The following JMJD1C variants were observed in gnomAD, a reference collection of about 807,000 sequenced individuals.
JMJD1C encodes jumonji domain containing 1C.
Under a neutral mutation model 245.3 loss-of-function variants are expected in JMJD1C, and 31 were observed. The observed-to-expected ratio is 0.13, with a 90% confidence interval of 0.09 to 0.17. The LOEUF (loss-of-function observed/expected upper bound fraction) is 0.17, where lower values mean the gene tolerates loss of function less well. JMJD1C is among the 10% of genes least tolerant of loss of function. The pLI, the probability that JMJD1C is intolerant of heterozygous loss-of-function variation, is 1.00. For synonymous variants in JMJD1C, 1,057 were observed against 1,017.4 expected (o/e 1.04, Z -0.74); for missense variants, 2,691 against 3,000.2 (o/e 0.90, Z 2.41).
At chr10:63,477,434 A>G (rs1012016272) in intron 1 of JMJD1C, among the ~76,000 whole-genome samples, 5 of 152,138 alleles carry the variant, frequency 3.3e-5, no homozygotes, top group African/African-American at 1.2e-4. Context: ...AAGAGAGTCC[A>G]GAAATAGACC....
At chr10:63,259,971 G>A (rs751944672) in intron 3 of JMJD1C, among the ~76,000 whole-genome samples, 6 of 151,390 alleles carry the variant, frequency 4.0e-5, no homozygotes, top group Non-Finnish European at 8.8e-5. Flanking sequence ...GTGTGATCTC[G>A]GCTCACTGCA....
chr10:63,361,990 T>C (rs1486845501), intron 2 of JMJD1C, among the ~76,000 whole-genome samples: 4 of 152,086 alleles, frequency 2.6e-5, no homozygotes, highest in East Asian at 1.9e-4. Context: ...TCCCAGCACT[T>C]TGGGAGGCCG....
chr10:63,398,045 A>G (rs1204103818), intron 1 of JMJD1C, among the ~76,000 whole-genome samples: 2 of 152,188 alleles, frequency 1.3e-5, no homozygotes, highest in Non-Finnish European at 2.9e-5. Context: ...CTCATCATCC[A>G]GCTTCAACAA....
chr10:63,191,019 C>T lies in JMJD1C; in HGVS notation c.6166G>A (p.Val2056Met). 1.2e-6 allele frequency: 2 copies of T among 1,614,126 alleles called. No individual in the cohort carries two copies. The highest frequency in any genetic ancestry group is 1.7e-6 in the Non-Finnish European group (2 of 1,179,962). The change falls in exon 17 of 26, where the codon GTG becomes ATG. Residue 2056 changes from valine (V) to methionine (M), a missense_variant. Around this residue, in one of 9 missense-constraint regions of JMJD1C, gnomAD observed 275 missense variants for 285.5 expected, o/e 0.96. Transcript: ENST00000399262. ...GAGCCTTGTTCATTATTCTGGGACA[C>T]AAGAGGTGATGTTCTGCCATTTGGA... ...ESPNGRTSPL[V>M]SQNNEQGSTL...
At chr10:63,510,165 G>A (rs576675159) in intron 1 of JMJD1C, among the ~76,000 whole-genome samples, 7 of 151,828 alleles carry the variant, frequency 4.6e-5, no homozygotes, top group Admixed American at 2.0e-4. Flanking sequence ...CACCACGCCC[G>A]GATAATTTTT....
chr10:63,318,564 TC>T (rs1940404075), intron 2 of JMJD1C, among the ~76,000 whole-genome samples: 1 of 152,206 alleles, frequency 6.6e-6, no homozygotes, highest in Non-Finnish European at 1.5e-5. Context: ...CTTTAAATAT[TC>T]TGTTACTGGT....
intron 10 of JMJD1C, 101 bp from the exon 11 acceptor site, chr10:63,200,778 T>A: frequency 2.1e-6 from 2 of 945,358 alleles, no homozygotes; most frequent in Non-Finnish European, 3.2e-6. Context: ...GATGATACGG[T>A]AAGACTTTAG....
chr10:63,215,623 A>G lies in JMJD1C; in HGVS notation c.752T>C (p.Leu251Ser). The G allele has an allele frequency of 6.2e-7, 1 of 1,611,430 alleles. No individual in the cohort carries two copies. Among genetic ancestry groups the G allele is most frequent in the South Asian group, 1.1e-5 (1 of 91,036 alleles). Residue 251 changes from leucine to serine, a missense_variant, in exon 6 of 26, where the codon TTA (leucine) becomes TCA (serine). By Grantham distance (145) the Leu-to-Ser change is moderately radical. Around this residue, in one of 9 missense-constraint regions of JMJD1C, gnomAD observed 172 missense variants for 240.8 expected, o/e 0.71. Transcript: ENST00000399262. Reference sequence around the variant, plus strand: ...TGTAATGCCAATATTTTCACCTTTTAACAAAGAGTGAACAACATCATCTAG... The same window carrying G: ...TGTAATGCCAATATTTTCACCTTTTGACAAAGAGTGAACAACATCATCTAG... ...TFLDDVVHSL[L>S]KGENIGITSR...
chr10:63,373,422 T>C (rs920485899), intron 2 of JMJD1C, among the ~76,000 whole-genome samples: 2 of 152,230 alleles, frequency 1.3e-5, no homozygotes, highest in African/African-American at 2.4e-5. Flanking sequence ...CTTTAAAATA[T>C]GTTAATGAGA....
intron 2 of JMJD1C, among the ~76,000 whole-genome samples, chr10:63,353,517 T>C (rs570871648): frequency 6.6e-6 from 1 of 152,288 alleles, no homozygotes; most frequent in Admixed American, 6.5e-5. Context: ...ACTTTGGGAA[T>C]CTTTTTTGTT....
At chr10:63,486,271 G>A (rs1443208864) in intron 1 of JMJD1C, among the ~76,000 whole-genome samples, 1 of 151,964 alleles carries the variant, frequency 6.6e-6, no homozygotes, top group East Asian at 1.9e-4. Context: ...AGCAGGGGCA[G>A]GGGAGATTGG....
Position 63,167,865 on chromosome 10 carries a change from GA to G in JMJD1C, c.*179del, listed in dbSNP as rs560868413. On this transcript the variant is annotated 3_prime_UTR_variant, in exon 26 of 26. Coordinates refer to ENST00000399262, the MANE Select transcript of JMJD1C (RefSeq NM_032776.3). ...AAAATTCTGCTTGTTTTATAACATT[GA>G]ATCACAGGAGCTGTGACATATGCTA... 7.7e-3 allele frequency: 3,895 copies of G among 508,282 alleles called. 29 individuals are homozygous for G. The highest frequency in any genetic ancestry group is 0.011 in the Non-Finnish European group (3,230 of 284,450). The allele number at this position is 508,282 out of a possible 1,614,324, so 31.5% of individuals were successfully genotyped here.
intron 2 of JMJD1C, among the ~76,000 whole-genome samples, chr10:63,334,712 C>T (rs756399924): frequency 1.4e-5 from 2 of 147,906 alleles, no homozygotes; most frequent in African/African-American, 2.5e-5. Flanking sequence ...CAGAATGAGA[C>T]TGTGTCTTTT....
intron 1 of JMJD1C, among the ~76,000 whole-genome samples, chr10:63,463,700 A>G (rs1007902789): frequency 1.3e-5 from 2 of 152,218 alleles, no homozygotes; most frequent in African/African-American, 4.8e-5. Context: ...ATGGTTCAAC[A>G]TACATTTTTC....
chr10:63,397,135 T>C (rs1948554079), intron 1 of JMJD1C, among the ~76,000 whole-genome samples: 1 of 152,238 alleles, frequency 6.6e-6, no homozygotes, highest in Admixed American at 6.5e-5. Context: ...TCTTACTGGA[T>C]CCACTATAGT....
intron 2 of JMJD1C, among the ~76,000 whole-genome samples, chr10:63,361,127 G>A (rs1393266273): frequency 1.3e-5 from 2 of 152,050 alleles, no homozygotes; most frequent in East Asian, 1.9e-4. Context: ...AATGTTTTAA[G>A]AAATAAATAA....
At chr10:63,247,797 T>C (rs1189289844) in intron 3 of JMJD1C, among the ~76,000 whole-genome samples, 1 of 150,040 alleles carries the variant, frequency 6.7e-6, no homozygotes, top group Non-Finnish European at 1.5e-5. Context: ...CAGGATCTAA[T>C]GACTTTACTA....
rs542916816 is a variant in JMJD1C, at chr10:63,491,621, C to T, written n.113+30117G>A. Among the ~76,000 whole-genome samples the T allele has an allele frequency of 1.0e-3, 152 of 152,238 alleles. 1 individual carries two copies. The highest frequency in any genetic ancestry group is 3.6e-3 in the African/African-American group (151 of 41,524). The stretch of plus-strand genomic sequence containing the variant: ...ACTACCCAAGCCTATCTTTAAGAGC[C>T]CTTCTTTATTGTGTCTGAAAATTTG... On this transcript the variant is annotated intron_variant and non_coding_transcript_variant, in intron 1 of 3. Transcript: ENST00000633035.
Position 63,206,671 on chromosome 10 carries a change from T to A in JMJD1C, c.4998A>T (p.Glu1666Asp). ...TGAGAACTCCATTGGGTTTCAAATC[T>A]TCTTCTATTTCACCTTTTCTCTTTT... is the stretch of plus-strand genomic sequence containing the variant. ...DLQKRKGEIE[E>D]DLKPNGVLSR... The change falls in exon 10 of 26, where the codon GAA becomes GAT. Residue 1666 changes from glutamate to aspartate, a missense_variant. Physicochemically the swap from Glu to Asp is conservative, Grantham distance 45. Coordinates refer to ENST00000399262, the MANE Select transcript of JMJD1C (RefSeq NM_032776.3). The A allele has an allele frequency of 1.2e-6, 2 of 1,612,834 alleles. No individual in the cohort carries two copies. The highest frequency in any genetic ancestry group is 1.7e-6 in the Non-Finnish European group (2 of 1,179,608).
Sources: gnomAD v4.1 joint callset for allele counts (sites outside exome capture counted in the v4.1 genomes callset) on GRCh38, gnomAD v4.1.1 for gene constraint, gnomAD v4.1.1 regional missense constraint, MANE v1.5 for transcripts, NCBI Gene and HGNC (gene_info 2026-07-23, HGNC 2026-07-21) for gene names.